Variants in THSD7B observed in about 807,000 individuals in gnomAD.
THSD7B encodes thrombospondin type 1 domain containing 7B, also known as thrombospondin type-1 domain-containing protein 7B.
In THSD7B, 138 loss-of-function variants were observed where a neutral mutation model predicts 213.6. That is an observed-to-expected ratio of 0.65 (90% CI 0.56 to 0.74). The LOEUF is 0.74. Among genes scored for constraint, THSD7B ranks in the 30% least tolerant of loss-of-function variants. The pLI, the probability that THSD7B is intolerant of heterozygous loss-of-function variation, is 0.00. For missense variants in THSD7B, 1,931 were observed against 1,991.5 expected (o/e 0.97, Z 0.58); for synonymous variants, 742 against 687.0 (o/e 1.08, Z -1.25).
intron 12 of THSD7B, among the ~76,000 whole-genome samples, chr2:137,314,643 T>G (rs1316160573): frequency 1.3e-5 from 2 of 152,206 alleles, no homozygotes; most frequent in Non-Finnish European, 2.9e-5. Flanking sequence ...TGGTTTTATC[T>G]ACTTTTGGTC....
At chr2:137,033,025 A>C (rs1220455688) in intron 2 of THSD7B, among the ~76,000 whole-genome samples, 1 of 152,226 alleles carries the variant, frequency 6.6e-6, no homozygotes, top group African/African-American at 2.4e-5. Context: ...TACTGGGCAG[A>C]ATTTAATTTT....
At chr2:137,641,695 G>A (rs1682940694) in intron 20 of THSD7B, among the ~76,000 whole-genome samples, 1 of 152,106 alleles carries the variant, frequency 6.6e-6, no homozygotes, top group Non-Finnish European at 1.5e-5. Flanking sequence ...GCCTAGGAGG[G>A]GGCAGAAGAT....
chr2:136,880,021 AC>A (rs1279912394), intron 1 of THSD7B, among the ~76,000 whole-genome samples: 1 of 152,194 alleles, frequency 6.6e-6, no homozygotes, highest in Non-Finnish European at 1.5e-5. Context: ...ATAATGGGAA[AC>A]TATAACACCC....
intron 2 of THSD7B, among the ~76,000 whole-genome samples, chr2:136,930,428 G>A (rs1684607321): frequency 6.6e-6 from 1 of 152,214 alleles, no homozygotes; most frequent in African/African-American, 2.4e-5. Context: ...AAGTTGGCTG[G>A]ATAAGGGAGG....
chr2:137,628,738 G>A (rs1014062887), intron 20 of THSD7B, among the ~76,000 whole-genome samples: 1 of 152,202 alleles, frequency 6.6e-6, no homozygotes, highest in African/African-American at 2.4e-5. Context: ...ATAAAGTCCT[G>A]TATTGTGAAC....
intron 12 of THSD7B, among the ~76,000 whole-genome samples, chr2:137,332,184 A>C (rs1302968336): frequency 6.6e-6 from 1 of 151,988 alleles, no homozygotes; most frequent in East Asian, 1.9e-4. Flanking sequence ...AGCAGCCAGG[A>C]GGAGGGCTGT....
Position 136,882,127 on chromosome 2 carries a change from T to A in THSD7B, c.-35-17T>A. On this transcript the variant is annotated splice_polypyrimidine_tract_variant and intron_variant, in intron 1 of 27. Coordinates refer to ENST00000409968, the MANE Select transcript of THSD7B (RefSeq NM_001316349.2). ...TTTACAGAAGAAACTTACCTGATTT[T>A]TCTTTTTCTCTTTTAGGAATAGGCA... The A allele has an allele frequency of 3.5e-6, 5 of 1,428,620 alleles. No individual in the cohort carries two copies. Among genetic ancestry groups the A allele is most frequent in the Non-Finnish European group, 4.6e-6 (5 of 1,088,930 alleles). 88.5% of individuals were successfully genotyped at this position (1,428,620 alleles called of 1,614,324 possible). A position where few individuals can be genotyped will look rare whatever the true frequency, so the allele number is the denominator to read the frequency against.
At chr2:137,397,659 CGAG>C (rs1686227971) in intron 12 of THSD7B, among the ~76,000 whole-genome samples, 2 of 151,314 alleles carry the variant, frequency 1.3e-5, no homozygotes, top group African/African-American at 4.9e-5. Flanking sequence ...TTGCTCTTCT[CGAG>C]GAGTATCTTT....
intron 1 of THSD7B, among the ~76,000 whole-genome samples, chr2:136,804,768 CT>C (rs1682254317): frequency 6.6e-6 from 1 of 152,170 alleles, no homozygotes; most frequent in Non-Finnish European, 1.5e-5. Context: ...CTTCAAAAAT[CT>C]CCTTAAGTAA....
chr2:137,010,563 G>T (rs890675175), intron 2 of THSD7B, among the ~76,000 whole-genome samples: 12 of 152,178 alleles, frequency 7.9e-5, no homozygotes, highest in African/African-American at 2.9e-4. Flanking sequence ...GGCCTGTAAG[G>T]TGTGTAAGGG....
At position 137,134,223 on chromosome 2, in the gene THSD7B, G is replaced by T. The variant is rs1427720945; in HGVS notation, c.1369+18930G>T. 2.0e-5 allele frequency among the ~76,000 whole-genome samples: 3 copies of T among 152,266 alleles called. No individual in the cohort carries two copies. In the East Asian group the frequency reaches 5.8e-4, roughly 29 times the overall value. On this transcript the variant is annotated intron_variant, in intron 5 of 27. Transcript: ENST00000409968. ...ACAATGGTAGAGCTGGATTTTTGCA[G>T]CCCATGCTCTTACCCGCTGTTTCAG...
At position 137,242,588 on chromosome 2, in the gene THSD7B, G is replaced by C; in HGVS notation, c.2266+16G>C. On this transcript the variant is annotated intron_variant, in intron 10 of 27. Transcript: ENST00000409968. ...TGCCAAGCAGGTAGGTGGATGCTGCGTTCTTAGTTCTTTCTTCCCTAACCT... is the reference window on the plus strand; with the variant it reads ...TGCCAAGCAGGTAGGTGGATGCTGCCTTCTTAGTTCTTTCTTCCCTAACCT... 1 of 1,577,136 alleles carries C rather than the reference G, an allele frequency of 6.3e-7. No homozygotes were observed. The highest frequency in any genetic ancestry group is 8.7e-7 in the Non-Finnish European group (1 of 1,147,126).
chr2:137,660,928 T>C (rs541567635), intron 25 of THSD7B, among the ~76,000 whole-genome samples: 93 of 152,198 alleles, frequency 6.1e-4, no homozygotes, highest in Non-Finnish European at 9.8e-4. Flanking sequence ...TTGTAGAAGA[T>C]TGAGGTGCTT....
In THSD7B at chr2:137,447,229, G is replaced by C. The variant is rs191346645; in HGVS notation, c.2960-3616G>C. Among the ~76,000 whole-genome samples the C allele has an allele frequency of 2.0e-5, 3 of 152,110 alleles. No homozygotes were observed. The East Asian group carries it at 5.8e-4, about 29-fold the overall frequency. On this transcript the variant is annotated intron_variant, in intron 14 of 27. Transcript: ENST00000409968. ...AAAGAAAAAAAAAGTATTGCTACAG[G>C]CTTGCTAATTAAAATCCTTCAGTAT...
intron 20 of THSD7B, among the ~76,000 whole-genome samples, chr2:137,623,579 C>T (rs899549249): frequency 6.6e-6 from 1 of 152,110 alleles, no homozygotes; most frequent in African/African-American, 2.4e-5. Context: ...TTGAGAAAAC[C>T]CCATCATCTC....
intron 14 of THSD7B, among the ~76,000 whole-genome samples, chr2:137,441,916 A>G (rs948395506): frequency 2.6e-5 from 4 of 152,102 alleles, no homozygotes; most frequent in African/African-American, 9.7e-5. Context: ...ATAATAATGA[A>G]AGAATATTTC....
intron 14 of THSD7B, among the ~76,000 whole-genome samples, chr2:137,429,737 T>G (rs1687134348): frequency 6.6e-6 from 1 of 152,162 alleles, no homozygotes; most frequent in African/African-American, 2.4e-5. Flanking sequence ...TATTGACTAG[T>G]GCTGTGTGAT....
rs61750799 is a variant in THSD7B, at chr2:137,676,560, A to G, written c.4776A>G (p.Gln1592=). 0.037 allele frequency: 59,170 copies of G among 1,597,366 alleles called. 2,285 individuals are homozygous for G. Among genetic ancestry groups the G allele is most frequent in the African/African-American group, 0.2 (14,843 of 74,082 alleles). Residue 1592 remains glutamine, a synonymous_variant, in exon 28 of 28, where the codon CAA becomes CAG. Transcript: ENST00000409968. ...KPKPHQSTPP[Q]QKPLTLAYDG... ...AACCACATCAAAGCACACCTCCCCA[A>G]CAGAAGCCTCTGACCTTAGCCTACG...
At chr2:137,569,345 T>A (rs568714430) in intron 16 of THSD7B, among the ~76,000 whole-genome samples, 1 of 152,228 alleles carries the variant, frequency 6.6e-6, no homozygotes, top group Non-Finnish European at 1.5e-5. Flanking sequence ...TTTTGCAGTA[T>A]GTAAACTTTT....
Sources: gnomAD v4.1 joint callset for allele counts (sites outside exome capture counted in the v4.1 genomes callset) on GRCh38, gnomAD v4.1.1 for gene constraint, MANE v1.5 for transcripts, NCBI Gene and HGNC (gene_info 2026-07-23, HGNC 2026-07-21) for gene names.